Variants in HTT observed in about 807,000 individuals in gnomAD.
The protein encoded by HTT is huntingtin, also known as huntington disease protein.
HTT carries 104 observed loss-of-function variants against 362.3 expected under a neutral mutation model. The observed-to-expected ratio is 0.29, with a 90% CI of 0.24 to 0.34. The LOEUF is 0.34. Ranked by LOEUF, HTT falls within the 10% of genes least tolerant of loss-of-function variation. The pLI, the probability that HTT is intolerant of heterozygous loss-of-function variation, is 1.00. For missense variants in HTT, 3,301 were observed against 3,928.6 expected (o/e 0.84, Z 4.27); for synonymous variants, 1,577 against 1,548.7 (o/e 1.02, Z -0.43).
intron 45 of HTT, among the ~76,000 whole-genome samples, chr4:3,207,929 C>T (rs1373852174): frequency 2.9e-5 from 3 of 104,562 alleles, no homozygotes; most frequent in East Asian, 3.0e-4. Flanking sequence ...CCTTCCCTTG[C>T]GGGGCGGGGT....
Position 3,178,515 on chromosome 4 carries a change from A to G in HTT, c.4612+69A>G. 2.1e-6 allele frequency: 3 copies of G among 1,425,810 alleles called. No homozygotes were observed. In the Admixed American group the frequency reaches 5.5e-5, roughly 26 times the overall value. The allele number at this position is 1,425,810 out of a possible 1,614,324, so 88.3% of individuals were successfully genotyped here. ...TGCTTGGCAGTGTTCGTTTTCATATACCCACTTTGAACGTTGTCAGTGGCA... is the reference window on the plus strand; with the variant it reads ...TGCTTGGCAGTGTTCGTTTTCATATGCCCACTTTGAACGTTGTCAGTGGCA... On this transcript the variant is annotated intron_variant, in intron 35 of 66. Coordinates refer to ENST00000355072, the MANE Select transcript of HTT (RefSeq NM_001388492.1).
In HTT at chr4:3,152,568, G is replaced by A. The variant is rs1716951786; in HGVS notation, c.3499-1725G>A. On this transcript the variant is annotated intron_variant, in intron 26 of 66. Transcript: ENST00000355072. The stretch of plus-strand genomic sequence containing the variant: ...ACCTCCATGCCTCCAGCTGCAGGCA[G>A]CCACTAACCTGCCTTCTGTCTCTGT... 2.0e-5 allele frequency among the ~76,000 whole-genome samples: 3 copies of A among 152,178 alleles called. No individual in the cohort carries two copies. The South Asian group carries it at 6.2e-4, about 31-fold the overall frequency.
intron 18 of HTT, among the ~76,000 whole-genome samples, chr4:3,134,090 C>T (rs543200736): frequency 7.2e-5 from 11 of 152,046 alleles, no homozygotes; most frequent in East Asian, 1.9e-4. Context: ...TGGGGCTGTG[C>T]GGCAGGCCCC....
chr4:3,233,328 C>T lies in HTT; in HGVS notation c.8431C>T (p.Leu2811Phe). 1 of 1,606,138 alleles carries T rather than the reference C, an allele frequency of 6.2e-7. No homozygotes were observed. Among genetic ancestry groups the T allele is most frequent in the Non-Finnish European group, 8.5e-7 (1 of 1,174,156 alleles). The part of the protein sequence containing the change: ...QLIPVISDYL[L>F]SNLKGIAHCV... The stretch of plus-strand genomic sequence containing the variant: ...CATCCCGGTCATCAGCGACTATCTC[C>T]TCTCCAACCTGAAAGGGATCGCCCA... The change falls in exon 61 of 67, where the codon CTC becomes TTC. Residue 2811 changes from leucine to phenylalanine, a missense_variant. Leu to Phe is a conservative substitution (Grantham distance 22). This residue lies in a region of HTT where 753 missense variants were observed against 1,021.3 expected (regional missense o/e 0.74). Transcript: ENST00000355072.
intron 64 of HTT, among the ~76,000 whole-genome samples, chr4:3,236,878 G>A (rs1189334702): frequency 6.6e-6 from 1 of 151,980 alleles, no homozygotes; most frequent in African/African-American, 2.4e-5. Flanking sequence ...TTTGCTCTCA[G>A]GCCTCAGTCC....
At chr4:3,234,681 A>G (rs1242438573) in intron 61 of HTT, among the ~76,000 whole-genome samples, 4 of 152,320 alleles carry the variant, frequency 2.6e-5, no homozygotes, top group South Asian at 2.1e-4. Flanking sequence ...CCTCAGCACC[A>G]TGGGCAGAGG....
chr4:3,187,690 C>A lies in HTT; in HGVS notation c.5029C>A (p.Leu1677Met), dbSNP rs1477841698. ...STVQLWISGILAILRVLISQS... is the reference protein window; with the variant it reads ...STVQLWISGIMAILRVLISQS... ...TGTTCAACTGTGGATATCGGGAATT[C>A]TGGCCATTTTGAGGGTTCTGATTTC... is the stretch of plus-strand genomic sequence containing the variant. The change falls in exon 39 of 67, where the codon CTG becomes ATG. Residue 1677 changes from leucine to methionine, a missense_variant. Leu to Met is a conservative substitution (Grantham distance 15, BLOSUM62 2). Transcript: ENST00000355072. 1.8e-5 allele frequency: 29 copies of A among 1,614,098 alleles called. No homozygotes were observed. The highest frequency in any genetic ancestry group is 2.5e-5 in the Non-Finnish European group (29 of 1,179,990).
At chr4:3,165,901 C>T (rs1717679375) in intron 29 of HTT, among the ~76,000 whole-genome samples, 1 of 152,072 alleles carries the variant, frequency 6.6e-6, no homozygotes, top group Non-Finnish European at 1.5e-5. Context: ...CCTTCTGAAG[C>T]CTACTTCTGT....
At chr4:3,208,644 T>G (rs1474443751) in intron 45 of HTT, 129 bp from the exon 46 acceptor site, 1 of 817,922 alleles carries the variant, frequency 1.2e-6, no homozygotes. Context: ...TATTTTCCTT[T>G]AAGAAGCCAC....
At position 3,238,963 on chromosome 4, in the gene HTT, C is replaced by T. The variant is rs1645578220; in HGVS notation, c.9200C>T (p.Pro3067Leu). 1 of 1,606,700 alleles carries T rather than the reference C, an allele frequency of 6.2e-7. No individual in the cohort carries two copies. Among genetic ancestry groups the T allele is most frequent in the Non-Finnish European group, 8.5e-7 (1 of 1,178,474 alleles). Residue 3067 changes from proline to leucine, a missense_variant, in exon 66 of 67, where the codon CCG (proline) becomes CTG (leucine). Pro to Leu is a moderately conservative substitution (Grantham distance 98). Transcript: ENST00000355072. Reference protein sequence around the residue: ...SCFFVSASTSPWVAAILPHVI... With the variant: ...SCFFVSASTSLWVAAILPHVI... ...TTCTTTGTCAGCGCGTCCACCAGCC[C>T]GTGGGTCGCGGCGATGTATCCTCTC...
At chr4:3,145,842 G>A (rs1442382242) in intron 24 of HTT, among the ~76,000 whole-genome samples, 1 of 152,200 alleles carries the variant, frequency 6.6e-6, no homozygotes, top group African/African-American at 2.4e-5. Context: ...TTTGCTTGAA[G>A]TGGATTACAT....
At chr4:3,115,475 C>G (rs761995662) in intron 7 of HTT, 30 bp downstream of exon 7, 1 of 1,555,404 alleles carries the variant, frequency 6.4e-7, no homozygotes, top group South Asian at 1.1e-5. Context: ...GTGGAAGAGT[C>G]TCCAGCATGT....
At chr4:3,220,081 G>C (rs975593896) in intron 52 of HTT, 101 bp from the exon 53 acceptor site, 17 of 1,328,248 alleles carry the variant, frequency 1.3e-5, no homozygotes, top group Non-Finnish European at 1.8e-5. Flanking sequence ...TTGGGGTAGT[G>C]AGGAGGGAGC....
chr4:3,173,310 C>A, intron 31 of HTT, 179 bp downstream of exon 31: 2 of 608,450 alleles, frequency 3.3e-6, no homozygotes, highest in East Asian at 2.8e-5. Context: ...CATAGCCCGG[C>A]CTTCCAAGAA....
chr4:3,193,120 A>G (rs536515794), intron 40 of HTT, among the ~76,000 whole-genome samples: 7 of 152,366 alleles, frequency 4.6e-5, no homozygotes, highest in African/African-American at 1.7e-4. Flanking sequence ...GGCAGGCAGG[A>G]TGCCGGTAGG....
chr4:3,141,523 G>C (rs1353799792), intron 22 of HTT, among the ~76,000 whole-genome samples: 1 of 152,206 alleles, frequency 6.6e-6, no homozygotes, highest in Non-Finnish European at 1.5e-5. Flanking sequence ...AACACTTTGG[G>C]AGGCCCAGGT....
chr4:3,142,714 A>G (rs363107), intron 22 of HTT, 52 bp from the exon 23 acceptor site: 133,309 of 977,500 alleles, frequency 0.14, 10,225 homozygotes, highest in Middle Eastern at 0.2. Flanking sequence ...TTTGATCTTT[A>G]AAAATATATG....
At chr4:3,209,780 T>A in intron 46 of HTT, 47 bp from the exon 47 acceptor site, 1 of 1,606,508 alleles carries the variant, frequency 6.2e-7, no homozygotes, top group Non-Finnish European at 8.5e-7. Flanking sequence ...TGAAGTCCCC[T>A]TGAACGCCGC....
At chr4:3,210,904 C>CTTTTTTTTTTTTTTT (rs780304223) in intron 47 of HTT, among the ~76,000 whole-genome samples, 15 of 122,700 alleles carry the variant, frequency 1.2e-4, no homozygotes, top group East Asian at 2.4e-4. Flanking sequence ...AATTGTTTAT[C>CTTTTTTTTTTTTTTT]TTTTTTTTTT....
Sources: gnomAD v4.1 joint callset for allele counts (sites outside exome capture counted in the v4.1 genomes callset) on GRCh38, gnomAD v4.1.1 for gene constraint, gnomAD v4.1.1 regional missense constraint, MANE v1.5 for transcripts, NCBI Gene and HGNC (gene_info 2026-07-23, HGNC 2026-07-21) for gene names.